NEXMIF: variants seen among roughly 807,000 people sequenced by gnomAD.
NEXMIF encodes the protein neurite extension and migration factor, also known as XLMR protein related to neurite extension.
NEXMIF carries 8 observed loss-of-function variants against 62.1 expected under a neutral mutation model. That is an observed-to-expected ratio of 0.13 (90% CI 0.08 to 0.23). NEXMIF has a LOEUF of 0.23. NEXMIF is among the 10% of genes least tolerant of loss of function. The pLI is 1.00. For synonymous variants in NEXMIF, 404 were observed against 416.6 expected (o/e 0.97, Z 0.37); for missense variants, 976 against 1,113.3 (o/e 0.88, Z 1.75).
intron 1 of NEXMIF, among the ~76,000 whole-genome samples, chrX:74,847,764 T>A (rs1205896120): frequency 9.0e-6 from 1 of 111,673 alleles, no homozygotes; most frequent in Non-Finnish European, 1.9e-5. Context: ...TCATTATTTT[T>A]AAAAAGTATC....
chrX:74,882,889 C>T lies in NEXMIF; in HGVS notation c.-48+41994G>A, dbSNP rs758418561. On this transcript the variant is annotated intron_variant, in intron 1 of 3. Transcript: ENST00000055682. ...ACCCCTGAGTAGCCTAAATGGGAGG[C>T]GCCCCCTAGTAGGGGTGGACTGACA... is the stretch of plus-strand genomic sequence containing the variant. Among the ~76,000 whole-genome samples, 10 of 111,922 alleles carry T rather than the reference C, an allele frequency of 8.9e-5. No individual in the cohort carries two copies. The South Asian group carries it at 1.1e-3, about 13-fold the overall frequency.
chrX:74,830,753 G>T (rs1331124903), intron 1 of NEXMIF, among the ~76,000 whole-genome samples: 2 of 111,383 alleles, frequency 1.8e-5, no homozygotes, highest in Non-Finnish European at 3.8e-5. Context: ...ACTTTTCATT[G>T]TAGAGATCTT....
At chrX:74,865,483 G>A (rs1602255822) in intron 1 of NEXMIF, among the ~76,000 whole-genome samples, 1 of 112,139 alleles carries the variant, frequency 8.9e-6, no homozygotes, top group East Asian at 2.8e-4. Flanking sequence ...CTTGCAGCCT[G>A]CCAAGAAAAA....
intron 1 of NEXMIF, among the ~76,000 whole-genome samples, chrX:74,821,761 T>C (rs1386146245): frequency 9.0e-6 from 1 of 111,119 alleles, no homozygotes; most frequent in Non-Finnish European, 1.9e-5. Flanking sequence ...GAGACAAAGA[T>C]TTCTGTCAAC....
At chrX:74,751,880 C>T (rs2080145386) in intron 1 of NEXMIF, among the ~76,000 whole-genome samples, 1 of 102,425 alleles carries the variant, frequency 9.8e-6, no homozygotes, top group African/African-American at 3.5e-5. Flanking sequence ...CTCGCTCTAT[C>T]CCCAAGGCTG....
intron 1 of NEXMIF, among the ~76,000 whole-genome samples, chrX:74,803,364 C>T (rs1602234006): frequency 1.8e-5 from 2 of 111,141 alleles, no homozygotes; most frequent in Middle Eastern, 9.2e-3. Context: ...TCCTGGCTAA[C>T]ACGGTGAAAC....
chrX:74,915,653 G>A (rs1023045839), intron 1 of NEXMIF, among the ~76,000 whole-genome samples: 1 of 111,471 alleles, frequency 9.0e-6, no homozygotes, highest in African/African-American at 3.3e-5. Context: ...TAAGTAGAGG[G>A]GTCATTATAA....
Position 74,849,859 on chromosome X carries a change from G to A in NEXMIF, c.-48+75024C>T, listed in dbSNP as rs1186377566. On this transcript the variant is annotated intron_variant, in intron 1 of 3. Coordinates refer to ENST00000055682, the MANE Select transcript of NEXMIF (RefSeq NM_001008537.3). ...GCTACCCTGCCTACAGCTACCACCTGAGACCAAGGCATGTGCTCCACAGCT... is the reference window on the plus strand; with the variant it reads ...GCTACCCTGCCTACAGCTACCACCTAAGACCAAGGCATGTGCTCCACAGCT... Among the ~76,000 whole-genome samples, 12 of 112,091 alleles carry A rather than the reference G, an allele frequency of 1.1e-4. No homozygotes were observed. In the Admixed American group the frequency reaches 1.1e-3, roughly 11 times the overall value.
chrX:74,875,613 C>A lies in NEXMIF; in HGVS notation c.-48+49270G>T, dbSNP rs1437830223. On this transcript the variant is annotated intron_variant, in intron 1 of 3. Coordinates refer to ENST00000055682, the MANE Select transcript of NEXMIF (RefSeq NM_001008537.3). The stretch of plus-strand genomic sequence containing the variant: ...CCTCTGGTAGAGTTCGGCTGTGAAT[C>A]CATCTGGTCCTGGACTCTTTTTGGT... Among the ~76,000 whole-genome samples the A allele has an allele frequency of 9.0e-5, 10 of 111,691 alleles. No homozygotes were observed. The East Asian group carries it at 1.7e-3, about 19-fold the overall frequency.
chrX:74,803,619 C>T (rs1394793484), intron 1 of NEXMIF, among the ~76,000 whole-genome samples: 1 of 109,769 alleles, frequency 9.1e-6, no homozygotes, highest in Non-Finnish European at 1.9e-5. Flanking sequence ...TGTGAAAGGT[C>T]AATGATAAAG....
intron 1 of NEXMIF, among the ~76,000 whole-genome samples, chrX:74,921,245 G>C (rs1377360713): frequency 1.8e-5 from 2 of 110,972 alleles, no homozygotes; most frequent in Non-Finnish European, 3.8e-5. Flanking sequence ...GAAGGGAACA[G>C]AGACAATGAA....
intron 1 of NEXMIF, among the ~76,000 whole-genome samples, chrX:74,923,908 A>C (rs2080834720): frequency 8.9e-6 from 1 of 112,778 alleles, no homozygotes. Flanking sequence ...GCAAAATATG[A>C]GACCCACTTA....
rs1249510957 is a variant in NEXMIF, at chrX:74,863,168, T to A, written c.-48+61715A>T. Among the ~76,000 whole-genome samples the A allele has an allele frequency of 9.6e-5, 7 of 72,684 alleles. No homozygotes were observed. In the East Asian group the frequency reaches 0.011, roughly 116 times the overall value. 63.1% of individuals were successfully genotyped at this position (72,684 alleles called of 115,157 possible). A position where few individuals can be genotyped will look rare whatever the true frequency, so the allele number is the denominator to read the frequency against. ...GCCTGGGTGACAGAGCAGGACTACA[T>A]CTCAAAAAAAAAAAAAAGTCTCCAA... is the stretch of plus-strand genomic sequence containing the variant. On this transcript the variant is annotated intron_variant, in intron 1 of 3. Transcript: ENST00000055682.
At chrX:74,880,313 C>T (rs957403236) in intron 1 of NEXMIF, among the ~76,000 whole-genome samples, 2 of 111,602 alleles carry the variant, frequency 1.8e-5, no homozygotes, top group Admixed American at 9.6e-5. Context: ...GAACCACCCT[C>T]TTTCACCAGC....
intron 1 of NEXMIF, among the ~76,000 whole-genome samples, chrX:74,882,695 G>A (rs1439851062): frequency 8.9e-6 from 1 of 112,306 alleles, no homozygotes; most frequent in Non-Finnish European, 1.9e-5. Flanking sequence ...AGGCCTGCCT[G>A]CCTCTGTAGG....
intron 1 of NEXMIF, chrX:74,769,867 C>T: frequency 3.2e-6 from 1 of 316,031 alleles, no homozygotes; most frequent in East Asian, 4.9e-5. Context: ...GTATGTACCA[C>T]CCTAAGATAG....
intron 1 of NEXMIF, among the ~76,000 whole-genome samples, chrX:74,917,421 T>C (rs7066549): frequency 0.055 from 6,135 of 111,890 alleles, 200 homozygotes; most frequent in South Asian, 0.14. Context: ...AATTACCTAG[T>C]TTCAGTTATT....
chrX:74,913,073 T>C (rs2080795798), intron 1 of NEXMIF, among the ~76,000 whole-genome samples: 1 of 111,887 alleles, frequency 8.9e-6, no homozygotes, highest in African/African-American at 3.3e-5. Flanking sequence ...ATCATACCAA[T>C]GACCAGAAAG....
intron 1 of NEXMIF, among the ~76,000 whole-genome samples, chrX:74,908,826 T>A (rs1420192044): frequency 8.9e-6 from 1 of 112,006 alleles, no homozygotes; most frequent in Non-Finnish European, 1.9e-5. Flanking sequence ...GGGAGATAAT[T>A]TGAATCATGG....
Sources: allele counts gnomAD v4.1 joint callset (sites outside exome capture counted in the v4.1 genomes callset), GRCh38; gene constraint gnomAD v4.1.1; transcripts MANE v1.5; gene names NCBI Gene and HGNC (gene_info 2026-07-23, HGNC 2026-07-21).